Variants in UGT2B7 observed in about 807,000 individuals in gnomAD.
UGT2B7 encodes the protein UDP glucuronosyltransferase family 2 member B7, also known as UDP-glucuronosyltransferase 2B7.
A neutral mutation model predicts 51.9 loss-of-function variants in UGT2B7; 51 were observed. That is an observed-to-expected ratio of 0.98 (90% confidence interval 0.78 to 1.24). The LOEUF (loss-of-function observed/expected upper bound fraction) is 1.24, where lower values mean the gene tolerates loss of function less well. UGT2B7 is among the 50% of genes most tolerant of loss of function. The pLI, the probability that UGT2B7 is intolerant of heterozygous loss-of-function variation, is 0.00. For missense variants in UGT2B7, 727 were observed against 628.4 expected (o/e 1.16, Z -1.68); for synonymous variants, 225 against 211.6 (o/e 1.06, Z -0.55).
chr4:69,109,552 C>T (rs1204446916), intron 5 of UGT2B7, among the ~76,000 whole-genome samples: 1 of 152,078 alleles, frequency 6.6e-6, no homozygotes, highest in Non-Finnish European at 1.5e-5. Flanking sequence ...ACAGTCTATC[C>T]AATCCTTGGA....
intron 1 of UGT2B7, among the ~76,000 whole-genome samples, chr4:69,078,301 T>G (rs1416988754): frequency 1.3e-5 from 2 of 152,184 alleles, no homozygotes; most frequent in Non-Finnish European, 2.9e-5. Context: ...ATCAGGATGA[T>G]GCTAGCCTCA....
intron 1 of UGT2B7, among the ~76,000 whole-genome samples, chr4:69,057,516 A>T (rs1718233284): frequency 1.3e-5 from 2 of 152,232 alleles, no homozygotes. Flanking sequence ...TGATGCAGCA[A>T]TCCCTCTTCT....
chr4:69,102,781 T>C (rs773722604), intron 2 of UGT2B7, 26 bp from the exon 3 acceptor site: 1 of 1,609,508 alleles, frequency 6.2e-7, no homozygotes, highest in Admixed American at 1.7e-5. Context: ...TACTCTTTTG[T>C]GATGAAGCAA....
chr4:69,056,018 A>G (rs1298476909), intron 1 of UGT2B7, among the ~76,000 whole-genome samples: 2 of 152,072 alleles, frequency 1.3e-5, no homozygotes, highest in Non-Finnish European at 2.9e-5. Flanking sequence ...CCACCAGGTT[A>G]TACTAGATAT....
At chr4:69,110,101 CAATT>C (rs1484126547) in intron 5 of UGT2B7, among the ~76,000 whole-genome samples, 5 of 151,910 alleles carry the variant, frequency 3.3e-5, no homozygotes, top group African/African-American at 1.2e-4. Context: ...TTGAAGAACA[CAATT>C]AACAAATGGA....
chr4:69,096,689 G>A lies in UGT2B7; in HGVS notation c.169G>A (p.Ala57Thr), dbSNP rs1207209058. The stretch of plus-strand genomic sequence containing the variant: ...GAGAGGTCATGAGGTGACTGTACTG[G>A]CATCTTCAGCTTCCATTCTTTTTGA... ...IQRGHEVTVL[A>T]SSASILFDPN... Residue 57 changes from alanine to threonine, a missense_variant, in exon 1 of 6, where the codon GCA (alanine) becomes ACA (threonine). Transcript: ENST00000305231. 1.9e-6 allele frequency: 3 copies of A among 1,613,978 alleles called. No individual in the cohort carries two copies. Among genetic ancestry groups the A allele is most frequent in the African/African-American group, 1.3e-5 (1 of 75,036 alleles).
At chr4:69,102,521 T>C (rs1477575400) in intron 2 of UGT2B7, among the ~76,000 whole-genome samples, 2 of 152,148 alleles carry the variant, frequency 1.3e-5, no homozygotes, top group African/African-American at 4.8e-5. Context: ...ATTATCTCCC[T>C]GACAACAATG....
At chr4:69,086,001 T>C (rs1718946145) in intron 1 of UGT2B7, among the ~76,000 whole-genome samples, 1 of 151,750 alleles carries the variant, frequency 6.6e-6, no homozygotes, top group African/African-American at 2.4e-5. Flanking sequence ...TAAAAATCTC[T>C]ATTTTTTCTC....
At chr4:69,055,261 A>G (rs549403654) in intron 1 of UGT2B7, among the ~76,000 whole-genome samples, 149 of 151,440 alleles carry the variant, frequency 9.8e-4, no homozygotes, top group Non-Finnish European at 1.8e-3. Context: ...TCTGTCAAGA[A>G]TCATATTTTT....
At chr4:69,083,272 A>G (rs951280451) in intron 1 of UGT2B7, among the ~76,000 whole-genome samples, 1 of 152,132 alleles carries the variant, frequency 6.6e-6, no homozygotes, top group African/African-American at 2.4e-5. Context: ...GCCCACTAAT[A>G]AAGGTGTAAA....
intron 1 of UGT2B7, among the ~76,000 whole-genome samples, chr4:69,079,501 A>G (rs1718788409): frequency 6.6e-6 from 1 of 152,304 alleles, no homozygotes; most frequent in South Asian, 2.1e-4. Context: ...ATATATATAC[A>G]TAGTCATATT....
Position 69,108,167 on chromosome 4 carries a change from C to G in UGT2B7, c.1155C>G (p.Tyr385Ter). 6.2e-7 allele frequency: 1 copy of G among 1,613,698 alleles called. No individual in the cohort carries two copies. The highest frequency in any genetic ancestry group is 8.5e-7 in the Non-Finnish European group (1 of 1,179,686). Residue 385 changes from tyrosine (Y) to a stop codon, truncating the protein, a stop_gained, in exon 5 of 6, where the codon TAC becomes TAG. Transcript: ENST00000305231. LOFTEE classifies it high-confidence loss of function. The part of the protein sequence containing the change: ...GGANGIYEAI[Y>*]HGIPMVGIPL... ...CCAATGGCATCTACGAGGCAATCTACCATGGGATCCCTATGGTGGGGATTC... is the reference window on the plus strand; with the variant it reads ...CCAATGGCATCTACGAGGCAATCTAGCATGGGATCCCTATGGTGGGGATTC...
chr4:69,108,963 T>C (rs534558523), intron 5 of UGT2B7, among the ~76,000 whole-genome samples: 3 of 152,060 alleles, frequency 2.0e-5, no homozygotes, highest in Non-Finnish European at 2.9e-5. Flanking sequence ...ATTATTCTCT[T>C]TAGATATTTC....
At chr4:69,076,796 A>AT (rs1718717619) in intron 1 of UGT2B7, among the ~76,000 whole-genome samples, 1 of 152,072 alleles carries the variant, frequency 6.6e-6, no homozygotes, top group South Asian at 2.1e-4. Context: ...ATTAGATCCC[A>AT]TTTGTGTATT....
chr4:69,087,715 C>T (rs1718993943), intron 1 of UGT2B7, among the ~76,000 whole-genome samples: 1 of 107,300 alleles, frequency 9.3e-6, no homozygotes, highest in Non-Finnish European at 1.8e-5. Context: ...AGTATTTTTG[C>T]ATGGCAGATT....
At chr4:69,080,487 G>T (rs567819338) in intron 1 of UGT2B7, among the ~76,000 whole-genome samples, 5 of 150,470 alleles carry the variant, frequency 3.3e-5, no homozygotes, top group South Asian at 4.2e-4. Flanking sequence ...GGCAGAAGTT[G>T]CAGTGAGCTG....
At chr4:69,086,927 A>G (rs547976880) in intron 1 of UGT2B7, among the ~76,000 whole-genome samples, 3 of 151,988 alleles carry the variant, frequency 2.0e-5, no homozygotes, top group Non-Finnish European at 2.9e-5. Context: ...CAGTCACTCT[A>G]TGTCTTTTAC....
chr4:69,052,278 A>G (rs1230623193), intron 1 of UGT2B7, among the ~76,000 whole-genome samples: 2 of 151,940 alleles, frequency 1.3e-5, no homozygotes, highest in Non-Finnish European at 2.9e-5. Context: ...TTCCCCCCCA[A>G]CAGTAGTTAA....
At chr4:69,089,208 C>T (rs1719030245) in intron 1 of UGT2B7, among the ~76,000 whole-genome samples, 1 of 152,040 alleles carries the variant, frequency 6.6e-6, no homozygotes, top group African/African-American at 2.4e-5. Context: ...AGCTATCTAC[C>T]AAATATTAAA....
Sources: gnomAD v4.1 joint callset for allele counts (sites outside exome capture counted in the v4.1 genomes callset) on GRCh38, gnomAD v4.1.1 for gene constraint, MANE v1.5 for transcripts, NCBI Gene and HGNC (gene_info 2026-07-23, HGNC 2026-07-21) for gene names.